The following INO80 variants were observed in gnomAD, a reference collection of about 807,000 sequenced individuals.
INO80 encodes INO80 complex ATPase subunit, also known as chromatin-remodeling ATPase INO80.
A neutral mutation model predicts 203.4 loss-of-function variants in INO80; 20 were observed. The ratio of observed to expected loss-of-function variants is 0.10; its 90% CI spans 0.07 to 0.14. INO80 has a LOEUF of 0.14. Among genes scored for constraint, INO80 ranks in the 10% least tolerant of loss-of-function variants. INO80 has a pLI of 1.00. For synonymous variants in INO80, 726 were observed against 685.2 expected (o/e 1.06, Z -0.93); for missense variants, 1,419 against 1,914.4 (o/e 0.74, Z 4.83).
intron 19 of INO80, among the ~76,000 whole-genome samples, chr15:41,052,087 C>T (rs1257725033): frequency 6.6e-6 from 1 of 151,660 alleles, no homozygotes; most frequent in Non-Finnish European, 1.5e-5. Context: ...TGCAGTTAGC[C>T]ATGATCATGC....
At chr15:41,055,474 G>A in intron 17 of INO80, 110 bp from the exon 18 acceptor site, 1 of 493,894 alleles carries the variant, frequency 2.0e-6, no homozygotes, top group East Asian at 3.3e-5. Flanking sequence ...GTGCCTAGAT[G>A]CATGTGTATG....
At chr15:41,000,823 C>T (rs147992240) in intron 28 of INO80, among the ~76,000 whole-genome samples, 2,112 of 150,990 alleles carry the variant, frequency 0.014, 21 homozygotes, top group Non-Finnish European at 0.021. Flanking sequence ...CAAATAGGGG[C>T]TATATACAGA....
chr15:41,023,768 C>CAAAAAAA (rs139814568), intron 25 of INO80, among the ~76,000 whole-genome samples: 23 of 63,048 alleles, frequency 3.6e-4, no homozygotes, highest in African/African-American at 8.2e-4. Flanking sequence ...GACTCTGTCT[C>CAAAAAAA]AAAAAAAAAA....
chr15:41,074,960 G>T (rs1314146879), intron 9 of INO80, among the ~76,000 whole-genome samples: 2 of 152,158 alleles, frequency 1.3e-5, no homozygotes, highest in African/African-American at 4.8e-5. Flanking sequence ...GGCCAGGCTG[G>T]TCTCGAACTG....
At chr15:40,988,706 C>G (rs1341570867) in intron 29 of INO80, among the ~76,000 whole-genome samples, 1 of 152,126 alleles carries the variant, frequency 6.6e-6, no homozygotes, top group Non-Finnish European at 1.5e-5. Context: ...ATAGTGAATC[C>G]CCATCTCTGC....
Position 41,019,803 on chromosome 15 carries a change from T to G in INO80, c.3274+1097A>C, listed in dbSNP as rs549057098. ...AGGCTGGGGCAAACCCCTTGACACT[T>G]GACAAAGTTAAAATAAAGTGGAAAA... On this transcript the variant is annotated intron_variant, in intron 26 of 35. Coordinates refer to ENST00000648947, the MANE Select transcript of INO80 (RefSeq NM_017553.3). Among the ~76,000 whole-genome samples, 4 of 152,340 alleles carry G rather than the reference T, an allele frequency of 2.6e-5. No homozygotes were observed. In the South Asian group the frequency reaches 8.3e-4, roughly 32 times the overall value.
intron 16 of INO80, among the ~76,000 whole-genome samples, chr15:41,058,044 C>G (rs1191821531): frequency 3.3e-5 from 5 of 152,176 alleles, no homozygotes; most frequent in South Asian, 2.1e-4. Flanking sequence ...TCTTGGAGAT[C>G]TGAAAACCAT....
chr15:41,104,193 C>T (rs1439030492), intron 1 of INO80, among the ~76,000 whole-genome samples: 1 of 55,346 alleles, frequency 1.8e-5, no homozygotes, highest in East Asian at 6.1e-4. Flanking sequence ...GCAATGAGAG[C>T]AAAACTCCAT....
chr15:41,031,604 AGGAAGGGAGG>A (rs1324996059), intron 24 of INO80, among the ~76,000 whole-genome samples: 1 of 2,386 alleles, frequency 4.2e-4, no homozygotes, highest in Non-Finnish European at 1.9e-3. Context: ...GGAGGGAGGG[AGGAAGGGAGG>A]AGGGAGGAAG....
At chr15:41,099,348 T>C (rs1352841925) in intron 1 of INO80, among the ~76,000 whole-genome samples, 3 of 149,872 alleles carry the variant, frequency 2.0e-5, no homozygotes, top group Admixed American at 1.3e-4. Context: ...CAAACTCCCA[T>C]TGTGGCGATA....
chr15:41,115,519 C>T (rs2046020277), intron 1 of INO80, among the ~76,000 whole-genome samples: 1 of 152,214 alleles, frequency 6.6e-6, no homozygotes, highest in Admixed American at 6.5e-5. Context: ...TACAAAATGA[C>T]ACACTAACAA....
intron 4 of INO80, 36 bp from the exon 5 acceptor site, chr15:41,092,218 G>T: frequency 1.3e-6 from 2 of 1,529,298 alleles, no homozygotes; most frequent in Non-Finnish European, 1.8e-6. Flanking sequence ...ATCTTTTGCT[G>T]TGAAGCAATC....
rs188893963 is a variant in INO80 at position 41,042,132 on chromosome 15, G to C, written c.2907+2772C>G. Among the ~76,000 whole-genome samples, 431 of 151,452 alleles carry C rather than the reference G, an allele frequency of 2.8e-3. 2 individuals are homozygous for C. Among genetic ancestry groups the C allele is most frequent in the African/African-American group, 9.8e-3 (404 of 41,264 alleles). On this transcript the variant is annotated intron_variant, in intron 24 of 35. Coordinates refer to ENST00000648947, the MANE Select transcript of INO80 (RefSeq NM_017553.3). ...GGTTCAAGAGATTCTCCTACCTCAG[G>C]CTCCTGAGTAGCTGAGATTACAGGT...
At chr15:40,988,998 CAGTG>C (rs1424627698) in intron 29 of INO80, among the ~76,000 whole-genome samples, 1 of 139,392 alleles carries the variant, frequency 7.2e-6, no homozygotes, top group East Asian at 2.2e-4. Context: ...CTGGGCGACA[CAGTG>C]AGCCTCCGTC....
intron 23 of INO80, among the ~76,000 whole-genome samples, chr15:41,047,177 C>A (rs920276001): frequency 2.0e-5 from 3 of 152,042 alleles, no homozygotes; most frequent in African/African-American, 7.2e-5. Context: ...GTTGGTCAGG[C>A]TGGTCTTGAA....
intron 5 of INO80, among the ~76,000 whole-genome samples, chr15:41,090,284 G>A (rs2045615602): frequency 6.6e-6 from 1 of 152,110 alleles, no homozygotes. Flanking sequence ...TATAGAAACA[G>A]AGCAGATTGG....
chr15:41,046,310 A>G (rs2044766732), intron 23 of INO80, among the ~76,000 whole-genome samples: 1 of 132,644 alleles, frequency 7.5e-6, no homozygotes, highest in African/African-American at 2.8e-5. Flanking sequence ...GCTCACTGCA[A>G]CCTCCACCTC....
rs575214411 is a variant in INO80 at position 41,074,350 on chromosome 15, A to G, written c.1327+20T>C. ...AAAAATAAGAGGTAGCCTTCCTCTA[A>G]GTCCTGACTGAGGACTCACCATAAT... On this transcript the variant is annotated intron_variant, in intron 10 of 35. Transcript: ENST00000648947. 28 of 1,557,332 alleles carry G rather than the reference A, an allele frequency of 1.8e-5. No homozygotes were observed. In the South Asian group the frequency reaches 3.2e-4, roughly 18 times the overall value.
chr15:41,054,995 T>C (rs1448480991), intron 18 of INO80, among the ~76,000 whole-genome samples: 1 of 152,190 alleles, frequency 6.6e-6, no homozygotes, highest in African/African-American at 2.4e-5. Context: ...TAAAATATAA[T>C]ACTTTATGAA....
Sources: gnomAD v4.1 joint callset for allele counts (sites outside exome capture counted in the v4.1 genomes callset) on GRCh38, gnomAD v4.1.1 for gene constraint, MANE v1.5 for transcripts, NCBI Gene and HGNC (gene_info 2026-07-23, HGNC 2026-07-21) for gene names.